LOXL2: variants seen among roughly 807,000 people sequenced by gnomAD.
The protein encoded by LOXL2 is lysyl oxidase homolog 2.
A neutral mutation model predicts 93.0 loss-of-function variants in LOXL2; 70 were observed. That is an observed-to-expected ratio of 0.75 (90% confidence interval 0.62 to 0.92). The LOEUF is 0.92. Among genes scored for constraint, LOXL2 ranks in the 40% least tolerant of loss-of-function variants. The pLI is 0.00. For synonymous variants in LOXL2, 438 were observed against 413.2 expected (o/e 1.06, Z -0.73); for missense variants, 973 against 1,054.9 (o/e 0.92, Z 1.08).
intron 12 of LOXL2, among the ~76,000 whole-genome samples, chr8:23,299,685 G>A (rs578007759): frequency 7.7e-4 from 117 of 152,322 alleles, no homozygotes; most frequent in African/African-American, 2.5e-3. Context: ...GTGAACAGAG[G>A]GGCAGAGGAC....
At chr8:23,363,754 C>T (rs759876053) in intron 2 of LOXL2, 1 of 152,228 alleles carries the variant, frequency 6.6e-6, no homozygotes. Context: ...AATAATCTTC[C>T]ATGGACCCCT....
rs1039491831 is a variant in LOXL2 at position 23,328,433 on chromosome 8, G to A, written c.1099C>T (p.Leu367=). ...LVSASVVCRE[L]GFGSAKEAVT... is the part of the protein sequence containing the mutation. ...GCCTCTTTGGCACTCCCAAAGCCCA[G>A]CTCTCTGCAGACCACACTGGCCGAC... Residue 367 remains leucine (L), a synonymous_variant, in exon 6 of 14, where the codon CTG becomes TTG. Transcript: ENST00000389131. 1 of 1,613,992 alleles carries A rather than the reference G, an allele frequency of 6.2e-7. No homozygotes were observed. The highest frequency in any genetic ancestry group is 8.5e-7 in the Non-Finnish European group (1 of 1,180,046).
chr8:23,379,085 A>T (rs1436812112), intron 1 of LOXL2, among the ~76,000 whole-genome samples: 1 of 152,086 alleles, frequency 6.6e-6, no homozygotes, highest in Non-Finnish European at 1.5e-5. Context: ...TCGGTCCTTG[A>T]TGATGGTGAC....
At chr8:23,374,437 T>G (rs577883805) in intron 1 of LOXL2, among the ~76,000 whole-genome samples, 36 of 152,336 alleles carry the variant, frequency 2.4e-4, no homozygotes, top group African/African-American at 8.7e-4. Context: ...TACAGCAGCC[T>G]GATTTATAAT....
At chr8:23,351,238 C>A (rs775701288) in intron 3 of LOXL2, among the ~76,000 whole-genome samples, 5 of 152,236 alleles carry the variant, frequency 3.3e-5, no homozygotes, top group Non-Finnish European at 5.9e-5. Context: ...TGACACCCAG[C>A]ATGGCTGAGG....
intron 1 of LOXL2, among the ~76,000 whole-genome samples, chr8:23,377,672 T>C (rs1258017316): frequency 6.6e-6 from 1 of 152,240 alleles, no homozygotes; most frequent in Non-Finnish European, 1.5e-5. Flanking sequence ...CTTGTTGAAT[T>C]GATCCCTTTA....
intron 9 of LOXL2, among the ~76,000 whole-genome samples, chr8:23,312,186 C>G (rs1464311821): frequency 2.0e-5 from 3 of 151,798 alleles, no homozygotes; most frequent in African/African-American, 7.3e-5. Flanking sequence ...GAGTCCAGGA[C>G]CAGATGGATT....
intron 1 of LOXL2, among the ~76,000 whole-genome samples, chr8:23,375,583 G>T (rs1376032715): frequency 6.6e-6 from 1 of 152,192 alleles, no homozygotes; most frequent in African/African-American, 2.4e-5. Flanking sequence ...CATGAGCATG[G>T]AATGTTCTTC....
rs2280936 is a variant in LOXL2 at position 23,297,824 on chromosome 8, G to A, written c.*219C>T. 47 of 521,524 alleles carry A rather than the reference G, an allele frequency of 9.0e-5. No homozygotes were observed. Among genetic ancestry groups the A allele is most frequent in the Middle Eastern group, 5.1e-4 (1 of 1,974 alleles). 32.3% of individuals were successfully genotyped at this position (521,524 alleles called of 1,614,324 possible). A position where few individuals can be genotyped will look rare whatever the true frequency, so the allele number is the denominator to read the frequency against. On this transcript the variant is annotated 3_prime_UTR_variant, in exon 14 of 14. Transcript: ENST00000389131. ...AGCTCTGTGGACAAACCCCACCCCC[G>A]CAAGGCCTTCTCAGGCCCCAAGGGT... is the stretch of plus-strand genomic sequence containing the variant.
At chr8:23,402,075 CACACAT>C (rs199745654) in intron 1 of LOXL2, among the ~76,000 whole-genome samples, 3,153 of 152,058 alleles carry the variant, frequency 0.021, 58 homozygotes, top group Non-Finnish European at 0.032. Flanking sequence ...AACGCGCACA[CACACAT>C]ACACATGCAA....
intron 4 of LOXL2, among the ~76,000 whole-genome samples, chr8:23,338,592 A>T (rs1269759782): frequency 2.0e-5 from 3 of 152,200 alleles, no homozygotes; most frequent in African/African-American, 2.4e-5. Flanking sequence ...GCGGGAGGGA[A>T]GGGGGTCCCT....
At chr8:23,374,561 C>T (rs1804555121) in intron 1 of LOXL2, among the ~76,000 whole-genome samples, 1 of 152,170 alleles carries the variant, frequency 6.6e-6, no homozygotes, top group Non-Finnish European at 1.5e-5. Context: ...TTTACAGTCC[C>T]ACCAACAGTG....
intron 2 of LOXL2, among the ~76,000 whole-genome samples, chr8:23,361,102 T>C (rs1366110643): frequency 2.0e-5 from 3 of 152,106 alleles, no homozygotes; most frequent in African/African-American, 4.8e-5. Flanking sequence ...AGTGTCACCA[T>C]GTTGGCCAGG....
At chr8:23,318,943 G>C (rs1200084180) in intron 8 of LOXL2, among the ~76,000 whole-genome samples, 2 of 152,204 alleles carry the variant, frequency 1.3e-5, no homozygotes, top group African/African-American at 4.8e-5. Context: ...CAGCCCATGG[G>C]AGACAGTCAG....
At chr8:23,359,544 C>T (rs1380100270) in intron 3 of LOXL2, among the ~76,000 whole-genome samples, 4 of 152,142 alleles carry the variant, frequency 2.6e-5, no homozygotes, top group African/African-American at 9.7e-5. Context: ...TGGGAGGGGA[C>T]CTTCCAGCCC....
chr8:23,308,992 T>TATA (rs1563185676), intron 10 of LOXL2, among the ~76,000 whole-genome samples: 2 of 144,766 alleles, frequency 1.4e-5, no homozygotes, highest in African/African-American at 5.2e-5. Flanking sequence ...ATATATATAT[T>TATA]TTTTTTTTTT....
chr8:23,303,911 G>A (rs546299297), intron 10 of LOXL2, among the ~76,000 whole-genome samples: 2 of 152,334 alleles, frequency 1.3e-5, no homozygotes, highest in Admixed American at 1.3e-4. Flanking sequence ...GAATAGTAAG[G>A]AATAGAACAT....
chr8:23,385,939 C>A (rs1411002515), intron 1 of LOXL2: 1 of 765,282 alleles, frequency 1.3e-6, no homozygotes, highest in Admixed American at 1.7e-5. Context: ...CAATTCCAAG[C>A]AGCACATTGC....
At chr8:23,350,591 T>C (rs1303272750) in intron 3 of LOXL2, among the ~76,000 whole-genome samples, 2 of 151,926 alleles carry the variant, frequency 1.3e-5, no homozygotes, top group Non-Finnish European at 2.9e-5. Flanking sequence ...AAGCTGCTGG[T>C]AACATTCTTT....
Sources: allele counts gnomAD v4.1 joint callset (sites outside exome capture counted in the v4.1 genomes callset), GRCh38; gene constraint gnomAD v4.1.1; transcripts MANE v1.5; gene names NCBI Gene and HGNC (gene_info 2026-07-23, HGNC 2026-07-21).